Variants in EYS observed in about 807,000 individuals in gnomAD.
EYS encodes the protein protein eyes shut homolog.
EYS carries 250 observed loss-of-function variants against 282.1 expected under a neutral mutation model. That is an observed-to-expected ratio of 0.89 (90% CI 0.80 to 0.98). The LOEUF (loss-of-function observed/expected upper bound fraction) is 0.98, where lower values mean the gene tolerates loss of function less well. Ranked by LOEUF, EYS falls within the 50% of genes least tolerant of loss-of-function variation. The pLI is 0.00. For missense variants in EYS, 4,016 were observed against 3,709.0 expected (o/e 1.08, Z -2.15); for synonymous variants, 1,355 against 1,282.9 (o/e 1.06, Z -1.20).
intron 31 of EYS, among the ~76,000 whole-genome samples, chr6:64,193,134 A>G (rs756597524): frequency 1.3e-5 from 2 of 152,346 alleles, no homozygotes; most frequent in Admixed American, 1.3e-4. Flanking sequence ...TAAATTTTAG[A>G]ATCAGCTTGT....
intron 15 of EYS, among the ~76,000 whole-genome samples, chr6:64,932,534 C>A (rs556658638): frequency 4.6e-5 from 7 of 151,996 alleles, no homozygotes; most frequent in Non-Finnish European, 1.0e-4. Context: ...ACCTAGAAGT[C>A]TTTGAAAGCT....
intron 22 of EYS, among the ~76,000 whole-genome samples, chr6:64,740,664 C>T (rs1772338338): frequency 6.6e-6 from 1 of 151,570 alleles, no homozygotes; most frequent in Non-Finnish European, 1.5e-5. Context: ...TGCACAGTAA[C>T]TTTGAACATC....
chr6:63,978,522 T>C (rs975654113), intron 35 of EYS, among the ~76,000 whole-genome samples: 1 of 152,002 alleles, frequency 6.6e-6, no homozygotes, highest in African/African-American at 2.4e-5. Flanking sequence ...TGATCTGAAA[T>C]AGGCTCTTTT....
At chr6:65,035,728 T>C (rs1222912845) in intron 13 of EYS, among the ~76,000 whole-genome samples, 1 of 151,772 alleles carries the variant, frequency 6.6e-6, no homozygotes, top group African/African-American at 2.4e-5. Flanking sequence ...ATTGGAAGAA[T>C]CGTTGTTAAA....
intron 29 of EYS, among the ~76,000 whole-genome samples, chr6:64,386,230 C>A (rs1185304743): frequency 1.3e-5 from 2 of 152,114 alleles, no homozygotes; most frequent in African/African-American, 2.4e-5. Flanking sequence ...ATCATTTCTG[C>A]CCAAAAGCAA....
At chr6:64,568,166 T>G (rs545187630) in intron 26 of EYS, among the ~76,000 whole-genome samples, 1 of 152,098 alleles carries the variant, frequency 6.6e-6, no homozygotes, top group South Asian at 2.1e-4. Flanking sequence ...ATCATAATAA[T>G]TATGTGAGGA....
chr6:64,310,139 T>C (rs986866332), intron 29 of EYS, among the ~76,000 whole-genome samples: 3 of 151,586 alleles, frequency 2.0e-5, no homozygotes, highest in South Asian at 4.2e-4. Context: ...TTGGTGGGTG[T>C]GTAAATTAGT....
At chr6:65,662,435 C>T (rs1437895390) in intron 1 of EYS, among the ~76,000 whole-genome samples, 1 of 152,126 alleles carries the variant, frequency 6.6e-6, no homozygotes, top group Non-Finnish European at 1.5e-5. Context: ...GCAATATTCT[C>T]TCTCAAAGGC....
intron 7 of EYS, among the ~76,000 whole-genome samples, chr6:65,397,799 T>TAA (rs1393217037): frequency 6.6e-6 from 1 of 152,036 alleles, no homozygotes; most frequent in Non-Finnish European, 1.5e-5. Context: ...GATAAAATGG[T>TAA]AATTCTATTT....
intron 32 of EYS, among the ~76,000 whole-genome samples, chr6:64,070,896 C>T (rs1371340850): frequency 6.6e-6 from 1 of 152,002 alleles, no homozygotes; most frequent in Non-Finnish European, 1.5e-5. Flanking sequence ...ATGACTTTTA[C>T]ACCATGAGCG....
chr6:64,147,461 G>A (rs553947207), intron 31 of EYS, among the ~76,000 whole-genome samples: 1 of 152,258 alleles, frequency 6.6e-6, no homozygotes, highest in South Asian at 2.1e-4. Flanking sequence ...GTAGGCAAAG[G>A]GAGAATACAA....
intron 22 of EYS, among the ~76,000 whole-genome samples, chr6:64,749,331 C>A (rs1254748597): frequency 7.2e-5 from 11 of 152,080 alleles, no homozygotes; most frequent in Admixed American, 2.0e-4. Context: ...TTATTTAAGA[C>A]CTTGTTACAA....
intron 6 of EYS, among the ~76,000 whole-genome samples, chr6:65,403,245 T>A (rs779961318): frequency 2.1e-4 from 32 of 152,068 alleles, no homozygotes; most frequent in Admixed American, 3.9e-4. Flanking sequence ...CATTGGCACC[T>A]GAAACAAGTC....
At chr6:63,936,973 T>C (rs1273603825) in intron 35 of EYS, among the ~76,000 whole-genome samples, 1 of 152,180 alleles carries the variant, frequency 6.6e-6, no homozygotes, top group East Asian at 1.9e-4. Flanking sequence ...TCCGAGGTTC[T>C]GGAATACTGA....
At chr6:64,274,875 G>GAA (rs1181429667) in intron 30 of EYS, among the ~76,000 whole-genome samples, 1 of 145,572 alleles carries the variant, frequency 6.9e-6, no homozygotes, top group Non-Finnish European at 1.5e-5. Context: ...CTGAATAAAT[G>GAA]AAAAAAAAAA....
intron 12 of EYS, among the ~76,000 whole-genome samples, chr6:65,198,833 T>C (rs1456863831): frequency 2.6e-5 from 4 of 151,978 alleles, no homozygotes; most frequent in Non-Finnish European, 5.9e-5. Context: ...ATGAACAAAA[T>C]TGGGATATCT....
At chr6:65,601,762 AT>A (rs1174809498) in intron 2 of EYS, among the ~76,000 whole-genome samples, 2 of 151,896 alleles carry the variant, frequency 1.3e-5, no homozygotes, top group East Asian at 1.9e-4. Context: ...AGTGTGAGAC[AT>A]TTTTCTTTCT....
At chr6:65,089,206 TC>T (rs1774478008) in intron 12 of EYS, among the ~76,000 whole-genome samples, 1 of 152,100 alleles carries the variant, frequency 6.6e-6, no homozygotes, top group Non-Finnish European at 1.5e-5. Context: ...AGGGCAATTA[TC>T]CTCCAGACCC....
intron 29 of EYS, among the ~76,000 whole-genome samples, chr6:64,325,432 C>T (rs1045176664): frequency 1.3e-5 from 2 of 152,180 alleles, no homozygotes; most frequent in African/African-American, 4.8e-5. Context: ...TAGCCCTAGA[C>T]CTTTCCTCTG....
Sources: allele counts gnomAD v4.1 joint callset (sites outside exome capture counted in the v4.1 genomes callset), GRCh38; gene constraint gnomAD v4.1.1; transcripts MANE v1.5; gene names NCBI Gene and HGNC (gene_info 2026-07-23, HGNC 2026-07-21).